The following ZNF385D variants were observed in gnomAD, a reference collection of about 807,000 sequenced individuals.
ZNF385D encodes the protein zinc finger protein 385D.
In ZNF385D, 15 loss-of-function variants were observed where a neutral mutation model predicts 35.8. The ratio of observed to expected loss-of-function variants is 0.42; its 90% confidence interval spans 0.28 to 0.64. ZNF385D has a LOEUF of 0.64. ZNF385D is among the 30% of genes least tolerant of loss of function. ZNF385D has a pLI of 0.23. For missense variants in ZNF385D, 474 were observed against 494.6 expected, an observed-to-expected ratio of 0.96 and a Z score of 0.39; for synonymous variants, 212 against 186.8, an observed-to-expected ratio of 1.13 and a Z score of -1.10.
chr3:22,150,357 A>C (rs1423087111), intron 3 of ZNF385D, among the ~76,000 whole-genome samples: 1 of 152,092 alleles, frequency 6.6e-6, no homozygotes, highest in African/African-American at 2.4e-5. Flanking sequence ...TTATTTATAT[A>C]AACATTCTTC....
chr3:22,099,419 C>G (rs1428031022), intron 3 of ZNF385D, among the ~76,000 whole-genome samples: 1 of 151,992 alleles, frequency 6.6e-6, no homozygotes, highest in Admixed American at 6.6e-5. Flanking sequence ...ATTATTAGAA[C>G]ATTGTAGTGA....
intron 3 of ZNF385D, among the ~76,000 whole-genome samples, chr3:22,063,243 T>C (rs1247682788): frequency 1.3e-5 from 2 of 152,128 alleles, no homozygotes; most frequent in African/African-American, 4.8e-5. Context: ...ACTGAAAAAA[T>C]TAAACAATTT....
At chr3:22,152,595 C>A (rs148594326) in intron 3 of ZNF385D, among the ~76,000 whole-genome samples, 188 of 152,236 alleles carry the variant, frequency 1.2e-3, no homozygotes, top group Non-Finnish European at 2.5e-3. Flanking sequence ...CTAAGTGCGT[C>A]GTCACTCTAA....
intron 1 of ZNF385D, among the ~76,000 whole-genome samples, chr3:21,694,604 T>C (rs1266330031): frequency 2.6e-5 from 4 of 152,142 alleles, no homozygotes; most frequent in Non-Finnish European, 5.9e-5. Context: ...CAAAGAGAAA[T>C]CAGAATTATG....
In ZNF385D at chr3:21,496,604, T is replaced by A. The variant is rs183058664; in HGVS notation, c.439+14257A>T. Among the ~76,000 whole-genome samples, 68 of 148,250 alleles carry A rather than the reference T, an allele frequency of 4.6e-4. 2 individuals are homozygous for A. In the East Asian group the frequency reaches 0.013, roughly 27 times the overall value. On this transcript the variant is annotated intron_variant, in intron 4 of 7. Transcript: ENST00000281523. ...TATATATACACACATATATATCTGA[T>A]ATACTTCAGGTCAATATCCTTGATG... is the stretch of plus-strand genomic sequence containing the variant.
At chr3:21,612,633 GAAGT>G (rs553861760) in intron 2 of ZNF385D, among the ~76,000 whole-genome samples, 40 of 152,256 alleles carry the variant, frequency 2.6e-4, no homozygotes, top group Non-Finnish European at 4.7e-4. Context: ...AAAGCAATGA[GAAGT>G]AAGATTAATT....
chr3:22,027,770 A>T (rs1697653599), intron 3 of ZNF385D, among the ~76,000 whole-genome samples: 1 of 152,168 alleles, frequency 6.6e-6, no homozygotes, highest in Non-Finnish European at 1.5e-5. Context: ...AAAGTGGCTC[A>T]AATGCCCATG....
At chr3:22,339,258 G>T (rs558050780) in intron 2 of ZNF385D, among the ~76,000 whole-genome samples, 2 of 152,158 alleles carry the variant, frequency 1.3e-5, no homozygotes, top group South Asian at 2.1e-4. Context: ...AACAATGAAA[G>T]AAATTGAAGT....
In ZNF385D at chr3:21,670,661, C is replaced by G. The variant is rs1559505419; in HGVS notation, c.23-5633G>C. ...TGAAATCCTAAGGCGCCCCCCCCCC[C>G]CCCCCCCCCCCCAATGACTGAACGA... is the stretch of plus-strand genomic sequence containing the variant. On this transcript the variant is annotated intron_variant, in intron 1 of 7. Coordinates refer to ENST00000281523, the MANE Select transcript of ZNF385D (RefSeq NM_024697.3). Among the ~76,000 whole-genome samples the G allele has an allele frequency of 7.7e-5, 4 of 52,086 alleles. 1 individual carries two copies. The highest frequency in any genetic ancestry group is 3.1e-4 in the African/African-American group (4 of 12,952). 34.2% of individuals were successfully genotyped at this position (52,086 alleles called of 152,430 possible).
At chr3:21,968,300 T>C (rs560028698) in intron 3 of ZNF385D, among the ~76,000 whole-genome samples, 11 of 152,210 alleles carry the variant, frequency 7.2e-5, no homozygotes, top group African/African-American at 2.6e-4. Context: ...GCTAAAGGGC[T>C]CTGGGGTTCT....
intron 3 of ZNF385D, among the ~76,000 whole-genome samples, chr3:22,100,050 G>C (rs1313901110): frequency 2.0e-5 from 3 of 151,366 alleles, no homozygotes; most frequent in Admixed American, 6.6e-5. Context: ...CTCAAAAGAA[G>C]GCATTTATGC....
chr3:22,349,383 A>G (rs368200426), intron 2 of ZNF385D, among the ~76,000 whole-genome samples: 2 of 152,158 alleles, frequency 1.3e-5, no homozygotes, highest in Non-Finnish European at 2.9e-5. Context: ...GATTCAATGG[A>G]AAGACTGCTC....
At chr3:21,575,572 T>C (rs2063473458) in intron 2 of ZNF385D, among the ~76,000 whole-genome samples, 1 of 152,186 alleles carries the variant, frequency 6.6e-6, no homozygotes, top group Admixed American at 6.5e-5. Context: ...TTGAAAACTC[T>C]TTTTCCCTGT....
At chr3:22,223,237 CAAG>C (rs1698362603) in intron 2 of ZNF385D, among the ~76,000 whole-genome samples, 1 of 151,928 alleles carries the variant, frequency 6.6e-6, no homozygotes. Context: ...GAAAAAGAAA[CAAG>C]AAATTTAATA....
chr3:22,347,071 C>T (rs936017154), intron 2 of ZNF385D, among the ~76,000 whole-genome samples: 6 of 151,970 alleles, frequency 3.9e-5, no homozygotes, highest in African/African-American at 1.5e-4. Context: ...ATGTAAGACA[C>T]TGCAAAAATG....
chr3:21,849,145 C>G (rs937718551), intron 3 of ZNF385D, among the ~76,000 whole-genome samples: 1 of 152,020 alleles, frequency 6.6e-6, no homozygotes. Context: ...CTGTCACATC[C>G]CCTTTCTAAT....
chr3:21,837,706 T>C (rs1484570713), intron 3 of ZNF385D, among the ~76,000 whole-genome samples: 1 of 151,912 alleles, frequency 6.6e-6, no homozygotes, highest in African/African-American at 2.4e-5. Context: ...ACTTCGTCTC[T>C]ACTAAAAATA....
intron 1 of ZNF385D, among the ~76,000 whole-genome samples, chr3:21,680,000 A>C (rs1245516204): frequency 1.3e-5 from 2 of 152,262 alleles, no homozygotes; most frequent in East Asian, 1.9e-4. Flanking sequence ...ATACGTGGTA[A>C]GGACTCAAAA....
At chr3:21,668,806 T>A (rs2066479399) in intron 1 of ZNF385D, among the ~76,000 whole-genome samples, 1 of 152,190 alleles carries the variant, frequency 6.6e-6, no homozygotes, top group South Asian at 2.1e-4. Context: ...TAAAATATTC[T>A]CTTTGAGAAA....
Sources: gnomAD v4.1 joint callset for allele counts (sites outside exome capture counted in the v4.1 genomes callset) on GRCh38, gnomAD v4.1.1 for gene constraint, MANE v1.5 for transcripts, NCBI Gene and HGNC (gene_info 2026-07-23, HGNC 2026-07-21) for gene names.